GKN1: variants seen among roughly 807,000 people sequenced by gnomAD.
GKN1 encodes the protein gastrokine 1.
A neutral mutation model predicts 19.7 loss-of-function variants in GKN1; 17 were observed. That is an observed-to-expected ratio of 0.86 (90% confidence interval 0.59 to 1.29). GKN1 has a LOEUF of 1.29. Ranked by LOEUF, GKN1 falls within the 50% of genes most tolerant of loss-of-function variation. The probability of loss-of-function intolerance (pLI) is 0.00; values close to 1 mark genes in which losing one functional copy is unlikely to be tolerated. For missense variants in GKN1, 218 were observed against 224.5 expected (o/e 0.97, Z 0.19); for synonymous variants, 96 against 78.3 (o/e 1.23, Z -1.20).
intron 2 of GKN1, 25 bp downstream of exon 2, chr2:68,977,573 C>T: frequency 6.2e-7 from 1 of 1,606,028 alleles, no homozygotes; most frequent in Non-Finnish European, 8.5e-7. Flanking sequence ...TTCAAGTTTG[C>T]TACCAAAATG....
intron 1 of GKN1, 132 bp from the exon 2 acceptor site, chr2:68,977,363 G>A (rs1670276007): frequency 1.5e-6 from 1 of 664,316 alleles, no homozygotes; most frequent in Non-Finnish European, 2.7e-6. Context: ...GGTAAGAGAA[G>A]AAAAAAACAC....
intron 1 of GKN1, 66 bp from the exon 2 acceptor site, chr2:68,977,429 G>C: frequency 9.5e-7 from 1 of 1,054,640 alleles, no homozygotes; most frequent in Non-Finnish European, 1.5e-6. Flanking sequence ...CATAAGCTTG[G>C]ATAGAGGAAG....
At position 68,974,656 on chromosome 2, in the gene GKN1, C is replaced by T; in HGVS notation, c.-22C>T. On this transcript the variant is annotated 5_prime_UTR_variant, in exon 1 of 6. Coordinates refer to ENST00000377938, the MANE Select transcript of GKN1 (RefSeq NM_019617.4). ...GGTCCATGCTTGCCTACTCCTCTGT[C>T]CACTGCTTTCGTGAAGACAAGATGA... 6.2e-7 allele frequency: 1 copy of T among 1,604,870 alleles called. No individual in the cohort carries two copies. The highest frequency in any genetic ancestry group is 1.1e-5 in the South Asian group (1 of 90,892).
chr2:68,977,890 A>G (rs1685967535), intron 3 of GKN1, 116 bp downstream of exon 3: 2 of 843,432 alleles, frequency 2.4e-6, no homozygotes, highest in South Asian at 3.3e-5. Context: ...TACACATAGC[A>G]TACAGTTATA....
At chr2:68,977,572 G>C (rs986984110) in intron 2 of GKN1, 24 bp downstream of exon 2, 2 of 1,607,008 alleles carry the variant, frequency 1.2e-6, no homozygotes, top group African/African-American at 2.7e-5. Context: ...TTTCAAGTTT[G>C]CTACCAAAAT....
At chr2:68,975,645 G>A (rs1490045470) in intron 1 of GKN1, among the ~76,000 whole-genome samples, 2 of 152,110 alleles carry the variant, frequency 1.3e-5, no homozygotes, top group Non-Finnish European at 2.9e-5. Context: ...TAGCAGCAAA[G>A]TTTAAAAGGG....
At chr2:68,977,433 G>A (rs1172534101) in intron 1 of GKN1, 62 bp from the exon 2 acceptor site, 12 of 1,079,530 alleles carry the variant, frequency 1.1e-5, no homozygotes, top group Non-Finnish European at 1.7e-5. Context: ...AGCTTGGATA[G>A]AGGAAGAAAG....
intron 1 of GKN1, among the ~76,000 whole-genome samples, chr2:68,975,631 T>A (rs1573741792): frequency 6.6e-6 from 1 of 152,160 alleles, no homozygotes; most frequent in African/African-American, 2.4e-5. Flanking sequence ...CTAGGTCCTC[T>A]TAATAGCAGC....
In GKN1 at chr2:68,978,840, A is replaced by C. The variant is rs372755716; in HGVS notation, c.205-31A>C. 44 of 1,200,180 alleles carry C rather than the reference A, an allele frequency of 3.7e-5. No homozygotes were observed. In the Middle Eastern group the frequency reaches 1.5e-3, roughly 42 times the overall value. The allele number at this position is 1,200,180 out of a possible 1,614,324, so 74.3% of individuals were successfully genotyped here. On this transcript the variant is annotated intron_variant, in intron 3 of 5. Coordinates refer to ENST00000377938, the MANE Select transcript of GKN1 (RefSeq NM_019617.4). ...ATAAGAAAAGCTCCTCGGAGAACAC[A>C]TGCCTCACTATTTGCCATCTACTTT...
At chr2:68,979,818 C>T in intron 4 of GKN1, 95 bp from the exon 5 acceptor site, 4 of 964,792 alleles carry the variant, frequency 4.1e-6, no homozygotes, top group Non-Finnish European at 6.6e-6. Flanking sequence ...GCAACACTCA[C>T]TGTTGGCCTC....
chr2:68,974,981 TAGA>T (rs1399161609), intron 1 of GKN1, among the ~76,000 whole-genome samples: 2 of 147,740 alleles, frequency 1.4e-5, no homozygotes, highest in Non-Finnish European at 3.0e-5. Flanking sequence ...CCCTTTTTTT[TAGA>T]AGAAGAAATA....
rs777854722 is a variant in GKN1, at chr2:68,977,758, T to C, written c.188T>C (p.Ile63Thr). ...AACGGATGGGACTCCTGGAATTCCA[T>C]CTGGGATTATGGAAATGTAGGTAGT... ...NNNGWDSWNSIWDYGNGFAAT... is the reference protein window; with the variant it reads ...NNNGWDSWNSTWDYGNGFAAT... The change falls in exon 3 of 6, where the codon ATC becomes ACC. Residue 63 changes from isoleucine (I) to threonine (T), a missense_variant. Transcript: ENST00000377938. The C allele has an allele frequency of 5.0e-6, 8 of 1,611,660 alleles. No homozygotes were observed. Among genetic ancestry groups the C allele is most frequent in the East Asian group, 2.2e-5 (1 of 44,860 alleles).
At chr2:68,975,486 G>A (rs533258279) in intron 1 of GKN1, among the ~76,000 whole-genome samples, 21 of 152,074 alleles carry the variant, frequency 1.4e-4, no homozygotes, top group South Asian at 8.3e-4. Flanking sequence ...TAGTAGTGCC[G>A]GGTTTCTCAC....
chr2:68,978,463 C>CTT (rs1670310704), intron 3 of GKN1, among the ~76,000 whole-genome samples: 1 of 152,042 alleles, frequency 6.6e-6, no homozygotes, highest in African/African-American at 2.4e-5. Context: ...AAACGTTATA[C>CTT]TTTTAAATAG....
chr2:68,980,903 A>G lies in GKN1; in HGVS notation c.*80A>G. 1.4e-6 allele frequency: 1 copy of G among 728,392 alleles called. No homozygotes were observed. Among genetic ancestry groups the G allele is most frequent in the East Asian group, 2.5e-5 (1 of 39,882 alleles). The allele number at this position is 728,392 out of a possible 1,614,324, so 45.1% of individuals were successfully genotyped here. ...AATATGGGCTCCAGTGGTTTTTACCATGTCATTCTGAAATTTTTCTCTACT... is the reference window on the plus strand; with the variant it reads ...AATATGGGCTCCAGTGGTTTTTACCGTGTCATTCTGAAATTTTTCTCTACT... On this transcript the variant is annotated 3_prime_UTR_variant, in exon 6 of 6. Coordinates refer to ENST00000377938, the MANE Select transcript of GKN1 (RefSeq NM_019617.4).
At position 68,977,362 on chromosome 2, in the gene GKN1, AG is replaced by A; in HGVS notation, c.13-132del. 6 of 655,694 alleles carry A rather than the reference AG, an allele frequency of 9.2e-6. No individual in the cohort carries two copies. The South Asian group carries it at 1.2e-4, about 13-fold the overall frequency. 40.6% of individuals were successfully genotyped at this position (655,694 alleles called of 1,614,324 possible). On this transcript the variant is annotated intron_variant, in intron 1 of 5. Coordinates refer to ENST00000377938, the MANE Select transcript of GKN1 (RefSeq NM_019617.4). ...TGGTTAAAAAATGCAAGGTAAGAGA[AG>A]AAAAAAACACATTGAACTAGAACTG...
chr2:68,977,720 T>C lies in GKN1; in HGVS notation c.150T>C (p.Asn50=), dbSNP rs1300420993. 1.8e-5 allele frequency: 29 copies of C among 1,610,360 alleles called. No homozygotes were observed. The highest frequency in any genetic ancestry group is 2.7e-5 in the African/African-American group (2 of 74,848). Residue 50 remains asparagine (N), a synonymous_variant, in exon 3 of 6, where the codon AAT becomes AAC. Transcript: ENST00000377938. The part of the protein sequence containing the change: ...VSVNNEHNVA[N]VDNNNGWDSW... ...TCAACAATGAACACAATGTGGCCAA[T>C]GTTGACAATAACAACGGATGGGACT...
At chr2:68,979,863 G>A (rs764443543) in intron 4 of GKN1, 50 bp from the exon 5 acceptor site, 70 of 1,522,506 alleles carry the variant, frequency 4.6e-5, no homozygotes, top group Non-Finnish European at 5.9e-5. Context: ...ACTGGGCTTG[G>A]CATTCATTCT....
Position 68,978,296 on chromosome 2 carries a change from G to GAAAAAAGAAAGAAAGAA in GKN1, c.204+523_204+524insAAAAAGAAAGAAAGAAA, listed in dbSNP as rs796222573. On this transcript the variant is annotated intron_variant, in intron 3 of 5. Coordinates refer to ENST00000377938, the MANE Select transcript of GKN1 (RefSeq NM_019617.4). ...GGAAAGAAAGAAAGAAAGAAAGAAAGAGAGAGAAAGAAAGAAAAAGAAAAA... is the reference window on the plus strand; with the variant it reads ...GGAAAGAAAGAAAGAAAGAAAGAAAGAAAAAAGAAAGAAAGAAAGAGAGAAAGAAAGAAAAAGAAAAA... Among the ~76,000 whole-genome samples, 9 of 102,430 alleles carry GAAAAAAGAAAGAAAGAA rather than the reference G, an allele frequency of 8.8e-5. No homozygotes were observed. In the East Asian group the frequency reaches 1.1e-3, roughly 13 times the overall value. 67.2% of individuals were successfully genotyped at this position (102,430 alleles called of 152,430 possible).
Sources: allele counts gnomAD v4.1 joint callset (sites outside exome capture counted in the v4.1 genomes callset), GRCh38; gene constraint gnomAD v4.1.1; transcripts MANE v1.5; gene names NCBI Gene and HGNC (gene_info 2026-07-23, HGNC 2026-07-21).